Variants in TLR2 observed in about 807,000 individuals in gnomAD.
TLR2 encodes toll-like receptor 2.
TLR2 carries 7 observed loss-of-function variants against 9.1 expected under a neutral mutation model. That is an observed-to-expected ratio of 0.77 (90% CI 0.44 to 1.44). TLR2 has a LOEUF of 1.44. TLR2 is among the 40% of genes most tolerant of loss of function. TLR2 has a pLI of 0.01. For synonymous variants in TLR2, 317 were observed against 344.6 expected, an observed-to-expected ratio of 0.92 and a Z score of 0.89; for missense variants, 812 against 904.6, an observed-to-expected ratio of 0.90 and a Z score of 1.31.
rs147311791 is a variant in TLR2 at position 153,701,104 on chromosome 4, A to C, written c.-16-1788A>C. On this transcript the variant is annotated intron_variant, in intron 2 of 2. Coordinates refer to ENST00000642700, the MANE Select transcript of TLR2 (RefSeq NM_001318789.2). ...AACTCACTATTAAAATATATAAAATATAAGAACATCTGTTCATCAAAAGTA... is the reference window on the plus strand; with the variant it reads ...AACTCACTATTAAAATATATAAAATCTAAGAACATCTGTTCATCAAAAGTA... Among the ~76,000 whole-genome samples the C allele has an allele frequency of 9.1e-3, 1,390 of 152,360 alleles. 11 individuals are homozygous for C. Among genetic ancestry groups the C allele is most frequent in the Non-Finnish European group, 0.013 (907 of 68,038 alleles).
chr4:153,704,057 G>T lies in TLR2; in HGVS notation c.1150G>T (p.Asp384Tyr). Residue 384 changes from aspartate (D) to tyrosine (Y), a missense_variant, in exon 3 of 3, where the codon GAT (aspartate) becomes TAT (tyrosine). By Grantham distance (160) the Asp-to-Tyr change is radical. Coordinates refer to ENST00000642700, the MANE Select transcript of TLR2 (RefSeq NM_001318789.2). ...ATACTTGAAAAATTCAGCCTGTGAG[G>T]ATGCCTGGCCCTCTCTACAAACTTT... ...EEYLKNSACEDAWPSLQTLIL... is the reference protein window; with the variant it reads ...EEYLKNSACEYAWPSLQTLIL... 1 of 1,614,140 alleles carries T rather than the reference G, an allele frequency of 6.2e-7. No homozygotes were observed. The highest frequency in any genetic ancestry group is 8.5e-7 in the Non-Finnish European group (1 of 1,180,016).
At chr4:153,685,401 C>G (rs1181622313) in intron 1 of TLR2, among the ~76,000 whole-genome samples, 3 of 152,130 alleles carry the variant, frequency 2.0e-5, no homozygotes, top group Admixed American at 2.0e-4. Context: ...TGGGTGTAGA[C>G]AACTCAAAGT....
chr4:153,707,911 C>A (rs901172747), downstream of TLR2, among the ~76,000 whole-genome samples: 1 of 152,134 alleles, frequency 6.6e-6, no homozygotes, highest in Non-Finnish European at 1.5e-5. Flanking sequence ...CTTTCCTAGT[C>A]CACTGACTCA....
At chr4:153,707,270 T>TAA (rs1156938798), downstream of TLR2, among the ~76,000 whole-genome samples, 2 of 151,770 alleles carry the variant, frequency 1.3e-5, no homozygotes, top group Non-Finnish European at 2.9e-5. Context: ...TAGCCAGCCT[T>TAA]AAAAAAAATC....
At chr4:153,685,479 G>A (rs1004045339) in intron 1 of TLR2, among the ~76,000 whole-genome samples, 1 of 152,156 alleles carries the variant, frequency 6.6e-6, no homozygotes. Flanking sequence ...CTGTAGCTAT[G>A]GTGGCCTGAC....
rs142041844 is a variant in TLR2 at position 153,703,164 on chromosome 4, A to G, written c.257A>G (p.Asn86Ser). Residue 86 changes from asparagine (N) to serine (S), a missense_variant, in exon 3 of 3, where the codon AAT becomes AGT. Transcript: ENST00000642700. ...CTCCAGGCTCTGGTGCTGACATCCA[A>G]TGGAATTAACACAATAGAGGAAGAT... ...VNLQALVLTSNGINTIEEDSF... is the reference protein window; with the variant it reads ...VNLQALVLTSSGINTIEEDSF... 346 of 1,614,162 alleles carry G rather than the reference A, an allele frequency of 2.1e-4. No individual in the cohort carries two copies. The highest frequency in any genetic ancestry group is 1.8e-3 in the African/African-American group (135 of 75,034).
chr4:153,693,395 G>C (rs1227523931), intron 2 of TLR2, among the ~76,000 whole-genome samples: 1 of 152,112 alleles, frequency 6.6e-6, no homozygotes, highest in Non-Finnish European at 1.5e-5. Context: ...TTTCCCTGTT[G>C]ATCTACGGGG....
At chr4:153,689,711 C>T (rs1044188515) in intron 2 of TLR2, among the ~76,000 whole-genome samples, 2 of 152,036 alleles carry the variant, frequency 1.3e-5, no homozygotes, top group African/African-American at 4.8e-5. Flanking sequence ...ATAAATATGC[C>T]CAATAAGTAT....
chr4:153,705,419 G>T lies in TLR2; in HGVS notation c.*157G>T, dbSNP rs1737272370. 4 of 832,610 alleles carry T rather than the reference G, an allele frequency of 4.8e-6. No individual in the cohort carries two copies. The highest frequency in any genetic ancestry group is 5.4e-5 in the South Asian group (2 of 37,296). 51.6% of individuals were successfully genotyped at this position (832,610 alleles called of 1,614,324 possible). A position where few individuals can be genotyped will look rare whatever the true frequency, so the allele number is the denominator to read the frequency against. On this transcript the variant is annotated 3_prime_UTR_variant, in exon 3 of 3. Transcript: ENST00000642700. ...TACAAAACTTCAAATTTTGTCTGGG[G>T]TGCTGTTTTATAAACATATGCCAGA...
chr4:153,705,035 A>C lies in TLR2; in HGVS notation c.2128A>C (p.Ser710Arg). Residue 710 changes from serine (S) to arginine (R), a missense_variant, in exon 3 of 3, where the codon AGT (serine) becomes CGT (arginine). By Grantham distance (110) the Ser-to-Arg change is moderately radical. Transcript: ENST00000642700. ...TGTGCTTTCTGAAAACTTTGTGAAG[A>C]GTGAGTGGTGCAAGTATGAACTGGA... ...VFVLSENFVKSEWCKYELDFS... is the reference protein window; with the variant it reads ...VFVLSENFVKREWCKYELDFS... The C allele has an allele frequency of 6.2e-7, 1 of 1,614,074 alleles. No homozygotes were observed. The highest frequency in any genetic ancestry group is 8.5e-7 in the Non-Finnish European group (1 of 1,180,024).
intron 1 of TLR2, among the ~76,000 whole-genome samples, chr4:153,685,381 G>A (rs553451688): frequency 6.6e-6 from 1 of 152,260 alleles, no homozygotes; most frequent in African/African-American, 2.4e-5. Flanking sequence ...GAAAGAGAAG[G>A]AGAGTAATCT....
In TLR2 at chr4:153,704,041, A is replaced by C; in HGVS notation, c.1134A>C (p.Lys378Asn). The change falls in exon 3 of 3, where the codon AAA (lysine) becomes AAC (asparagine). Residue 378 changes from lysine to asparagine, a missense_variant. Coordinates refer to ENST00000642700, the MANE Select transcript of TLR2 (RefSeq NM_001318789.2). ...ATTTGATGGTTGAAGAATACTTGAA[A>C]AATTCAGCCTGTGAGGATGCCTGGC... ...SENLMVEEYL[K>N]NSACEDAWPS... The C allele has an allele frequency of 6.2e-7, 1 of 1,614,170 alleles. No individual in the cohort carries two copies. The highest frequency in any genetic ancestry group is 8.5e-7 in the Non-Finnish European group (1 of 1,180,028).
At chr4:153,685,985 T>TAGCC (rs1158908219) in intron 1 of TLR2, among the ~76,000 whole-genome samples, 4 of 152,222 alleles carry the variant, frequency 2.6e-5, no homozygotes, top group Admixed American at 6.5e-5. Context: ...GAGGGTCATC[T>TAGCC]GGCTACATTA....
chr4:153,705,816 A>G lies in TLR2; in HGVS notation c.*554A>G, dbSNP rs1267025472. On this transcript the variant is annotated 3_prime_UTR_variant, in exon 3 of 3. Transcript: ENST00000642700. ...CTTCATGGATGCAGAACCCATGGATATAGAGGGCCAACTGTAATCTGTAGC... is the reference window on the plus strand; with the variant it reads ...CTTCATGGATGCAGAACCCATGGATGTAGAGGGCCAACTGTAATCTGTAGC... 6.0e-6 allele frequency: 1 copy of G among 167,124 alleles called. No individual in the cohort carries two copies. The highest frequency in any genetic ancestry group is 2.4e-5 in the African/African-American group (1 of 41,468). The allele number at this position is 167,124 out of a possible 1,614,324, so 10.4% of individuals were successfully genotyped here.
chr4:153,694,685 A>C (rs1736365714), intron 2 of TLR2, among the ~76,000 whole-genome samples: 1 of 152,230 alleles, frequency 6.6e-6, no homozygotes, highest in Non-Finnish European at 1.5e-5. Context: ...TGTTATAAAC[A>C]ATCCAATTAA....
chr4:153,692,421 G>A (rs187686269), intron 2 of TLR2, among the ~76,000 whole-genome samples: 1 of 152,254 alleles, frequency 6.6e-6, no homozygotes, highest in East Asian at 1.9e-4. Flanking sequence ...GTCCTCTAAA[G>A]CCTCCAGTTT....
rs757525987 is a variant in TLR2 at position 153,704,665 on chromosome 4, C to T, written c.1758C>T (p.His586=). Residue 586 remains histidine (H), a synonymous_variant, in exon 3 of 3, where the codon CAC becomes CAT. Coordinates refer to ENST00000642700, the MANE Select transcript of TLR2 (RefSeq NM_001318789.2). The part of the protein sequence containing the change: ...QDVRLSVSEC[H]RTALVSGMCC... Reference sequence around the variant, plus strand: ...TCCGCCTCTCGGTGTCGGAATGTCACAGGACAGCACTGGTGTCTGGCATGT... The same window carrying T: ...TCCGCCTCTCGGTGTCGGAATGTCATAGGACAGCACTGGTGTCTGGCATGT... 2 of 1,613,042 alleles carry T rather than the reference C, an allele frequency of 1.2e-6. No individual in the cohort carries two copies. The highest frequency in any genetic ancestry group is 4.5e-5 in the East Asian group (2 of 44,838).
downstream of TLR2, among the ~76,000 whole-genome samples, chr4:153,706,339 C>G (rs911098262): frequency 7.2e-5 from 11 of 152,224 alleles, no homozygotes; most frequent in African/African-American, 2.7e-4. Flanking sequence ...CACTCTGACT[C>G]TCAGTTCCTG....
At chr4:153,693,235 C>A (rs948834491) in intron 2 of TLR2, among the ~76,000 whole-genome samples, 3 of 152,212 alleles carry the variant, frequency 2.0e-5, no homozygotes, top group Admixed American at 6.5e-5. Flanking sequence ...TAGAAGTAAT[C>A]CTACCATCCC....
Sources: gnomAD v4.1 joint callset for allele counts (sites outside exome capture counted in the v4.1 genomes callset) on GRCh38, gnomAD v4.1.1 for gene constraint, MANE v1.5 for transcripts, NCBI Gene and HGNC (gene_info 2026-07-23, HGNC 2026-07-21) for gene names.